The following CDH12 variants were observed in gnomAD, a reference collection of about 807,000 sequenced individuals.
CDH12 encodes the protein cadherin 12.
In CDH12, 41 loss-of-function variants were observed where a neutral mutation model predicts 74.1. The ratio of observed to expected loss-of-function variants is 0.55; its 90% CI spans 0.43 to 0.72. The LOEUF (loss-of-function observed/expected upper bound fraction) is 0.72. CDH12 is among the 30% of genes least tolerant of loss of function. The probability of loss-of-function intolerance (pLI) is 0.00; values close to 1 mark genes in which losing one functional copy is unlikely to be tolerated. For synonymous variants in CDH12, 399 were observed against 355.0 expected, an observed-to-expected ratio of 1.12 and a Z score of -1.39; for missense variants, 945 against 977.2, an observed-to-expected ratio of 0.97 and a Z score of 0.44.
At chr5:22,067,327 T>C (rs549936391) in intron 5 of CDH12, among the ~76,000 whole-genome samples, 1 of 152,292 alleles carries the variant, frequency 6.6e-6, no homozygotes, top group African/African-American at 2.4e-5. Context: ...CTACCGGACA[T>C]ATTGAGATAT....
rs1431417126 is a variant in CDH12, at chr5:22,807,521, T to C, written c.-523+45537A>G. On this transcript the variant is annotated intron_variant, in intron 1 of 14. Coordinates refer to ENST00000382254, the MANE Select transcript of CDH12 (RefSeq NM_004061.5). Reference sequence around the variant, plus strand: ...GTTATGTGCTGCTTAATGACAGAGATATATTCTGAGAAATGTATCATTAGG... The same window carrying C: ...GTTATGTGCTGCTTAATGACAGAGACATATTCTGAGAAATGTATCATTAGG... 8.5e-5 allele frequency among the ~76,000 whole-genome samples: 13 copies of C among 152,190 alleles called. 1 individual carries two copies. The highest frequency in any genetic ancestry group is 2.9e-5 in the Non-Finnish European group (2 of 68,020).
Position 22,796,581 on chromosome 5 carries a change from G to A in CDH12, c.-523+56477C>T, listed in dbSNP as rs1307570021. Among the ~76,000 whole-genome samples the A allele has an allele frequency of 1.5e-5, 2 of 131,558 alleles. 1 individual carries two copies. The highest frequency in any genetic ancestry group is 5.1e-4 in the South Asian group (2 of 3,900). 86.3% of individuals were successfully genotyped at this position (131,558 alleles called of 152,430 possible). On this transcript the variant is annotated intron_variant, in intron 1 of 14. Transcript: ENST00000382254. ...GTCGCCCAGGCTGGAGTGCAGTGGC[G>A]GGATCTCGGCTCACTGCAAGCTCCG...
At chr5:22,134,299 T>C (rs1746337556) in intron 4 of CDH12, among the ~76,000 whole-genome samples, 1 of 152,068 alleles carries the variant, frequency 6.6e-6, no homozygotes, top group Non-Finnish European at 1.5e-5. Context: ...CTATGGGCTA[T>C]TAGCTTGTGG....
At chr5:22,208,342 A>G (rs1477956280) in intron 4 of CDH12, among the ~76,000 whole-genome samples, 31 of 152,202 alleles carry the variant, frequency 2.0e-4, no homozygotes, top group Admixed American at 6.5e-5. Flanking sequence ...ACGATACGGG[A>G]TATCAACCCA....
At chr5:22,456,347 T>C (rs1166939728) in intron 2 of CDH12, among the ~76,000 whole-genome samples, 1 of 151,966 alleles carries the variant, frequency 6.6e-6, no homozygotes, top group Non-Finnish European at 1.5e-5. Context: ...TCAGCTCTCA[T>C]GTGTCAGTGT....
At chr5:21,965,571 T>C (rs1561333349) in intron 6 of CDH12, among the ~76,000 whole-genome samples, 1 of 152,036 alleles carries the variant, frequency 6.6e-6, no homozygotes, top group Admixed American at 6.6e-5. Flanking sequence ...ATTTTGTTAA[T>C]TATTTGTAAA....
intron 3 of CDH12, among the ~76,000 whole-genome samples, chr5:22,241,882 C>G (rs1037991162): frequency 1.3e-5 from 2 of 151,822 alleles, no homozygotes; most frequent in Non-Finnish European, 2.9e-5. Context: ...GAAGTAATAT[C>G]TGGAATTTCC....
intron 3 of CDH12, among the ~76,000 whole-genome samples, chr5:22,236,507 C>G (rs569472817): frequency 6.6e-6 from 1 of 151,784 alleles, no homozygotes; most frequent in African/African-American, 2.4e-5. Flanking sequence ...CCGAGGTGGG[C>G]AGATCACTTA....
intron 4 of CDH12, among the ~76,000 whole-genome samples, chr5:22,079,891 T>C (rs1188810672): frequency 3.8e-5 from 5 of 131,788 alleles, no homozygotes; most frequent in Non-Finnish European, 6.1e-5. Context: ...GGGCAGATTA[T>C]GCAAATGGAA....
rs981590716 is a variant in CDH12 at position 21,751,562 on chromosome 5, T to C, written c.*175A>G. The stretch of plus-strand genomic sequence containing the variant: ...AAACCAAAACTGACAATATGATTAA[T>C]TTAGTAACTTACTAGAAACCAGGTA... On this transcript the variant is annotated 3_prime_UTR_variant, in exon 15 of 15. Coordinates refer to ENST00000382254, the MANE Select transcript of CDH12 (RefSeq NM_004061.5). 1.0e-5 allele frequency: 6 copies of C among 602,058 alleles called. No homozygotes were observed. Among genetic ancestry groups the C allele is most frequent in the Non-Finnish European group, 1.4e-5 (5 of 346,602 alleles). 37.3% of individuals were successfully genotyped at this position (602,058 alleles called of 1,614,324 possible). A position where few individuals can be genotyped will look rare whatever the true frequency, so the allele number is the denominator to read the frequency against.
intron 1 of CDH12, among the ~76,000 whole-genome samples, chr5:22,567,199 A>T (rs1292889033): frequency 6.6e-6 from 1 of 152,120 alleles, no homozygotes; most frequent in African/African-American, 2.4e-5. Context: ...CTCAGTTCAC[A>T]CCATTATCCC....
At chr5:22,074,064 G>A (rs1041845505) in intron 5 of CDH12, among the ~76,000 whole-genome samples, 2 of 152,102 alleles carry the variant, frequency 1.3e-5, no homozygotes, top group African/African-American at 4.8e-5. Flanking sequence ...CTCTGAGACA[G>A]CAAGAACATC....
At position 22,614,197 on chromosome 5, in the gene CDH12, C is replaced by T. The variant is rs182402952; in HGVS notation, c.-522-108833G>A. 9.3e-4 allele frequency among the ~76,000 whole-genome samples: 142 copies of T among 152,144 alleles called. 1 individual carries two copies. The South Asian group carries it at 0.027, about 29-fold the overall frequency. ...ACATTTATTACATATCTATGATAAA[C>T]CAAGCTCTCATTTGGACTTGTTGCA... On this transcript the variant is annotated intron_variant, in intron 1 of 14. Transcript: ENST00000382254.
At chr5:22,838,304 C>A (rs943462075) in intron 1 of CDH12, among the ~76,000 whole-genome samples, 4 of 152,130 alleles carry the variant, frequency 2.6e-5, no homozygotes, top group African/African-American at 9.7e-5. Flanking sequence ...GCTGAATGTG[C>A]TTGGATTCCC....
chr5:22,255,817 G>T (rs1390332641), intron 3 of CDH12, among the ~76,000 whole-genome samples: 1 of 151,814 alleles, frequency 6.6e-6, no homozygotes, highest in Non-Finnish European at 1.5e-5. Flanking sequence ...GAAGAAGCTG[G>T]TTATACTGAT....
At chr5:22,834,733 T>A (rs562047842) in intron 1 of CDH12, among the ~76,000 whole-genome samples, 1 of 152,296 alleles carries the variant, frequency 6.6e-6, no homozygotes, top group South Asian at 2.1e-4. Context: ...TAACAAATTT[T>A]ACTGGCAAAT....
chr5:22,103,136 A>G (rs1288528869), intron 4 of CDH12, among the ~76,000 whole-genome samples: 5 of 152,152 alleles, frequency 3.3e-5, no homozygotes, highest in African/African-American at 1.2e-4. Context: ...AGAGAAAGAA[A>G]AACAAAAGCC....
chr5:22,692,349 G>A (rs548135399), intron 1 of CDH12, among the ~76,000 whole-genome samples: 1 of 152,044 alleles, frequency 6.6e-6, no homozygotes, highest in South Asian at 2.1e-4. Flanking sequence ...TTAGAGTAAC[G>A]CAAATGTACT....
intron 3 of CDH12, among the ~76,000 whole-genome samples, chr5:22,218,098 T>G (rs916872605): frequency 6.6e-6 from 1 of 151,764 alleles, no homozygotes; most frequent in African/African-American, 2.4e-5. Context: ...TTACGTCAAG[T>G]GTCAACAATG....
Sources: allele counts gnomAD v4.1 joint callset (sites outside exome capture counted in the v4.1 genomes callset), GRCh38; gene constraint gnomAD v4.1.1; transcripts MANE v1.5; gene names NCBI Gene and HGNC (gene_info 2026-07-23, HGNC 2026-07-21).